ANK3: variants seen among roughly 807,000 people sequenced by gnomAD.
ANK3 encodes ankyrin 3.
In ANK3, 57 loss-of-function variants were observed where a neutral mutation model predicts 370.9. That is an observed-to-expected ratio of 0.15 (90% CI 0.12 to 0.19). The LOEUF (loss-of-function observed/expected upper bound fraction) is 0.19. ANK3 is among the 10% of genes least tolerant of loss of function. The pLI is 1.00. For synonymous variants in ANK3, 1,929 were observed against 1,946.3 expected, an observed-to-expected ratio of 0.99 and a Z score of 0.23; for missense variants, 4,439 against 5,302.1, an observed-to-expected ratio of 0.84 and a Z score of 5.06.
chr10:60,031,792 C>G (rs1564502788), intron 43 of ANK3, among the ~76,000 whole-genome samples: 2 of 152,140 alleles, frequency 1.3e-5, no homozygotes, highest in Admixed American at 6.5e-5. Context: ...CCTCTCTCTG[C>G]CCCCCTACAG....
At chr10:60,258,084 T>C (rs1566041559) in intron 7 of ANK3, among the ~76,000 whole-genome samples, 1 of 152,242 alleles carries the variant, frequency 6.6e-6, no homozygotes, top group Admixed American at 6.5e-5. Context: ...GTTACTCTAG[T>C]GCACAAATGC....
rs1026620585 is a variant in ANK3, at chr10:60,699,153, A to G, written c.57+34110T>C. On this transcript the variant is annotated intron_variant, in intron 1 of 43. Transcript: ENST00000373827. ...GGAAGGGTGGGAGGGGACGAGGGGT[A>G]GAAGACTACAAAAAGGGTGCAGTGT... Among the ~76,000 whole-genome samples, 4 of 152,040 alleles carry G rather than the reference A, an allele frequency of 2.6e-5. No homozygotes were observed. In the East Asian group the frequency reaches 7.7e-4, roughly 29 times the overall value.
chr10:60,679,434 A>T (rs1193792856), intron 1 of ANK3, among the ~76,000 whole-genome samples: 2 of 152,212 alleles, frequency 1.3e-5, no homozygotes, highest in Non-Finnish European at 2.9e-5. Flanking sequence ...GAAGCTGGTG[A>T]TTAGCAGCTT....
intron 23 of ANK3, among the ~76,000 whole-genome samples, chr10:60,147,121 C>A (rs972185005): frequency 6.6e-6 from 1 of 152,128 alleles, no homozygotes; most frequent in African/African-American, 2.4e-5. Context: ...ATAAAAAGCA[C>A]GAGGTGGTGT....
At chr10:60,590,034 T>A (rs185287686) in intron 2 of ANK3, among the ~76,000 whole-genome samples, 2 of 152,352 alleles carry the variant, frequency 1.3e-5, no homozygotes, top group East Asian at 1.9e-4. Context: ...AAAAAGCACA[T>A]AATGAAAATA....
At chr10:60,060,720 A>C (rs1407888000) in intron 40 of ANK3, 1 of 152,180 alleles carries the variant, frequency 6.6e-6, no homozygotes, top group Non-Finnish European at 1.5e-5. Flanking sequence ...ACCAAGATGA[A>C]AGGGTTGTGG....
At chr10:60,297,679 A>T (rs2042829424) in intron 1 of ANK3, among the ~76,000 whole-genome samples, 1 of 152,128 alleles carries the variant, frequency 6.6e-6, no homozygotes, top group South Asian at 2.1e-4. Flanking sequence ...TATATTGTAA[A>T]TTCTTTTTGG....
intron 1 of ANK3, among the ~76,000 whole-genome samples, chr10:60,379,986 T>C (rs2132825734): frequency 6.6e-6 from 1 of 151,690 alleles, no homozygotes; most frequent in African/African-American, 2.4e-5. Flanking sequence ...CATTTGTCAA[T>C]TAAAAAAAAT....
At chr10:60,326,393 CTGA>C (rs1249593234) in intron 1 of ANK3, among the ~76,000 whole-genome samples, 1 of 152,174 alleles carries the variant, frequency 6.6e-6, no homozygotes, top group Non-Finnish European at 1.5e-5. Context: ...GGGGGAAGTT[CTGA>C]TGATTGCCTC....
intron 2 of ANK3, among the ~76,000 whole-genome samples, chr10:60,475,490 T>C (rs2075039038): frequency 6.6e-6 from 1 of 152,188 alleles, no homozygotes; most frequent in Non-Finnish European, 1.5e-5. Flanking sequence ...AATAGAAGTC[T>C]GATTTTACCC....
chr10:60,363,853 C>T (rs1023409515), intron 1 of ANK3, among the ~76,000 whole-genome samples: 14 of 152,088 alleles, frequency 9.2e-5, no homozygotes, highest in African/African-American at 3.1e-4. Context: ...CTTTCTAAAT[C>T]CCTTTTCTTA....
At chr10:60,255,602 G>T (rs1592566879) in intron 7 of ANK3, among the ~76,000 whole-genome samples, 1 of 152,138 alleles carries the variant, frequency 6.6e-6, no homozygotes, top group Non-Finnish European at 1.5e-5. Flanking sequence ...TGGGGTCAGG[G>T]ACTAACCATC....
chr10:60,598,415 T>G (rs2133301793), intron 2 of ANK3, among the ~76,000 whole-genome samples: 1 of 152,324 alleles, frequency 6.6e-6, no homozygotes, highest in South Asian at 2.1e-4. Context: ...TCTTGCCTAC[T>G]TTATCTAAAA....
chr10:60,421,499 GA>G (rs2063778378), intron 2 of ANK3, among the ~76,000 whole-genome samples: 1 of 151,938 alleles, frequency 6.6e-6, no homozygotes, highest in Admixed American at 6.6e-5. Context: ...TGAAACTAGA[GA>G]AATCAGGTTT....
At position 60,069,669 on chromosome 10, in the gene ANK3, G is replaced by A; in HGVS notation, c.11212C>T (p.Pro3738Ser). The A allele has an allele frequency of 6.2e-7, 1 of 1,613,768 alleles. No individual in the cohort carries two copies. The highest frequency in any genetic ancestry group is 8.5e-7 in the Non-Finnish European group (1 of 1,179,952). ...TCTATCTTATCTGTTATTTCTCCAG[G>A]GCCTTCTTTCTTCATGGTCATGGTG... ...ASTMTMKKEG[P>S]GEITDKIEAV... The change falls in exon 37 of 44, where the codon CCT (proline) becomes TCT (serine). Residue 3738 changes from proline (P) to serine (S), a missense_variant. Pro to Ser is a moderately conservative substitution (Grantham distance 74, BLOSUM62 -1). Around this residue, in one of 13 missense-constraint regions of ANK3, gnomAD observed 496 missense variants for 529.3 expected, o/e 0.94. Transcript: ENST00000280772.
intron 38 of ANK3, 77 bp downstream of exon 38, chr10:60,067,858 T>C (rs1030080372): frequency 3.4e-6 from 4 of 1,167,792 alleles, no homozygotes; most frequent in Middle Eastern, 2.0e-4. Flanking sequence ...TTTTAAAATA[T>C]ATATATTGAA....
intron 16 of ANK3, among the ~76,000 whole-genome samples, chr10:60,189,356 T>G (rs1313018003): frequency 6.6e-6 from 1 of 151,920 alleles, no homozygotes; most frequent in Non-Finnish European, 1.5e-5. Context: ...GAGAGACAGA[T>G]ACAGGGAGAG....
At chr10:60,172,251 A>AC in intron 21 of ANK3, 57 bp downstream of exon 21, 1 of 1,416,216 alleles carries the variant, frequency 7.1e-7, no homozygotes, top group Non-Finnish European at 9.9e-7. Flanking sequence ...GAAAAACCCA[A>AC]GAAAACTGGC....
intron 1 of ANK3, among the ~76,000 whole-genome samples, chr10:60,633,137 A>G (rs2078507440): frequency 1.3e-5 from 2 of 152,220 alleles, no homozygotes; most frequent in Non-Finnish European, 2.9e-5. Flanking sequence ...TTCTTTAAAA[A>G]TTCTGAAATG....
Sources: allele counts gnomAD v4.1 joint callset (sites outside exome capture counted in the v4.1 genomes callset), GRCh38; gene constraint gnomAD v4.1.1; regional missense constraint gnomAD v4.1.1; transcripts MANE v1.5; gene names NCBI Gene and HGNC (gene_info 2026-07-23, HGNC 2026-07-21).